Variants in ZDHHC11 observed in about 807,000 individuals in gnomAD.
ZDHHC11 encodes zDHHC palmitoyltransferase 11, also known as palmitoyltransferase ZDHHC11.
In ZDHHC11, 44 loss-of-function variants were observed where a neutral mutation model predicts 51.3. The observed-to-expected ratio is 0.86, with a 90% confidence interval of 0.67 to 1.10. ZDHHC11 has a LOEUF of 1.10. ZDHHC11 is among the 50% of genes least tolerant of loss of function. ZDHHC11 has a pLI of 0.00. For synonymous variants in ZDHHC11, 163 were observed against 222.0 expected, an observed-to-expected ratio of 0.73 and a Z score of 2.36; for missense variants, 400 against 537.7, an observed-to-expected ratio of 0.74 and a Z score of 2.53.
rs1243297442 is a variant in ZDHHC11, at chr5:841,193, C to A, written c.629-543G>T. ...CTAAGTGCCGGGGTCACAGCACCCACCCCTTCCTAAGTGCTGGGGTCACAG... is the reference window on the plus strand; with the variant it reads ...CTAAGTGCCGGGGTCACAGCACCCAACCCTTCCTAAGTGCTGGGGTCACAG... On this transcript the variant is annotated intron_variant, in intron 4 of 12. Transcript: ENST00000283441. The A allele has an allele frequency of 9.5e-5, 100 of 1,050,298 alleles. 1 individual carries two copies. Among genetic ancestry groups the A allele is most frequent in the Non-Finnish European group, 1.1e-4 (99 of 868,834 alleles). The allele number at this position is 1,050,298 out of a possible 1,614,324, so 65.1% of individuals were successfully genotyped here. A position where few individuals can be genotyped will look rare whatever the true frequency, so the allele number is the denominator to read the frequency against.
chr5:797,445 A>G (rs1348910169), intron 12 of ZDHHC11, among the ~76,000 whole-genome samples: 1 of 151,634 alleles, frequency 6.6e-6, no homozygotes, highest in African/African-American at 2.4e-5. Flanking sequence ...CATAGCCTTC[A>G]AACTGTATTC....
chr5:849,887 G>A (rs1393428262), intron 1 of ZDHHC11: 2 of 158,966 alleles, frequency 1.3e-5, no homozygotes, highest in Non-Finnish European at 2.8e-5. Flanking sequence ...ACCCTGCCTG[G>A]CCCCTGGACC....
intron 6 of ZDHHC11, among the ~76,000 whole-genome samples, chr5:835,413 T>C (rs1743686649): frequency 6.6e-6 from 1 of 151,824 alleles, no homozygotes; most frequent in Non-Finnish European, 1.5e-5. Context: ...TCTATATCTG[T>C]CTCTGTCGGT....
intron 11 of ZDHHC11, among the ~76,000 whole-genome samples, chr5:804,556 G>A (rs1385984649): frequency 2.0e-5 from 3 of 151,314 alleles, no homozygotes; most frequent in Admixed American, 6.6e-5. Flanking sequence ...ACACATTACA[G>A]TTAGATTGTT....
At chr5:808,432 G>T (rs1020520234) in intron 11 of ZDHHC11, among the ~76,000 whole-genome samples, 2 of 148,072 alleles carry the variant, frequency 1.4e-5, no homozygotes, top group African/African-American at 2.5e-5. Context: ...ATCCTGTGCT[G>T]TGTCATCAGT....
rs1029225526 is a variant in ZDHHC11, at chr5:850,899, A to T, written c.-297T>A. ...GTGTGGAGGACCCAGTGCCCGCGCG[A>T]CCGCCCATCAGTTCCCCTGAGGATT... On this transcript the variant is annotated 5_prime_UTR_variant, in exon 1 of 13. Transcript: ENST00000283441. The T allele has an allele frequency of 1.4e-5, 6 of 442,728 alleles. No homozygotes were observed. The highest frequency in any genetic ancestry group is 2.3e-5 in the Non-Finnish European group (6 of 262,894). 27.4% of individuals were successfully genotyped at this position (442,728 alleles called of 1,614,324 possible). A position where few individuals can be genotyped will look rare whatever the true frequency, so the allele number is the denominator to read the frequency against.
chr5:852,796 C>T (rs1276873629), upstream of ZDHHC11, among the ~76,000 whole-genome samples: 1 of 144,722 alleles, frequency 6.9e-6, no homozygotes, highest in Non-Finnish European at 1.5e-5. Context: ...CCACGGAGGA[C>T]AGCAAGCAGC....
chr5:838,998 GT>G (rs1227825484), intron 5 of ZDHHC11, among the ~76,000 whole-genome samples: 5 of 138,586 alleles, frequency 3.6e-5, no homozygotes, highest in Non-Finnish European at 7.8e-5. Flanking sequence ...ATGAGACCAT[GT>G]GGCCTCGGCC....
chr5:847,974 C>T (rs1447107127), intron 2 of ZDHHC11, among the ~76,000 whole-genome samples: 2 of 151,964 alleles, frequency 1.3e-5, no homozygotes, highest in African/African-American at 2.4e-5. Flanking sequence ...TTGGATCCCA[C>T]CTGTGCCTAC....
At chr5:835,906 G>A (rs958469052) in intron 6 of ZDHHC11, among the ~76,000 whole-genome samples, 11 of 151,098 alleles carry the variant, frequency 7.3e-5, no homozygotes, top group Non-Finnish European at 1.0e-4. Flanking sequence ...AGAGATGTGC[G>A]AGCGTGTATT....
At chr5:833,232 T>A (rs1249888870) in intron 7 of ZDHHC11, among the ~76,000 whole-genome samples, 1 of 152,272 alleles carries the variant, frequency 6.6e-6, no homozygotes, top group Admixed American at 6.5e-5. Context: ...GCCCTTTGAC[T>A]CTCAGCTTCC....
chr5:821,852 C>T lies in ZDHHC11; in HGVS notation c.1058+9G>A. The T allele has an allele frequency of 6.2e-7, 1 of 1,602,384 alleles. No homozygotes were observed. Among genetic ancestry groups the T allele is most frequent in the Admixed American group, 1.7e-5 (1 of 59,274 alleles). The stretch of plus-strand genomic sequence containing the variant: ...AGATAAAATAATCCCATTAAACTTA[C>T]AAACTCACCCAAGTGCAGATGGACA... On this transcript the variant is annotated intron_variant, in intron 9 of 12. Coordinates refer to ENST00000283441, the MANE Select transcript of ZDHHC11 (RefSeq NM_024786.3).
upstream of ZDHHC11, among the ~76,000 whole-genome samples, chr5:859,622 C>G (rs1748685477): frequency 6.6e-6 from 1 of 152,212 alleles, no homozygotes; most frequent in Non-Finnish European, 1.5e-5. Context: ...TTTTCGTAGT[C>G]TCGCGAGTGC....
Position 819,810 on chromosome 5 carries a change from G to A in ZDHHC11, c.1059-198C>T, listed in dbSNP as rs369188970. On this transcript the variant is annotated intron_variant, in intron 9 of 12. Transcript: ENST00000283441. The stretch of plus-strand genomic sequence containing the variant: ...CAGTGGGAAACAGAAGGAGCTTCTC[G>A]TGTAAAGGACCAGGACTCCTTCCCA... Among the ~76,000 whole-genome samples, 273 of 151,242 alleles carry A rather than the reference G, an allele frequency of 1.8e-3. 3 individuals carry two copies. Among genetic ancestry groups the A allele is most frequent in the African/African-American group, 6.2e-3 (258 of 41,302 alleles).
At chr5:804,189 C>T (rs369459502) in intron 11 of ZDHHC11, among the ~76,000 whole-genome samples, 2 of 151,286 alleles carry the variant, frequency 1.3e-5, no homozygotes, top group African/African-American at 4.9e-5. Context: ...AAACAATTCA[C>T]AAGTTTTAAA....
intron 7 of ZDHHC11, among the ~76,000 whole-genome samples, chr5:828,680 C>A (rs111673081): frequency 0.15 from 21,991 of 149,974 alleles, 1,073 homozygotes; most frequent in African/African-American, 0.24. Flanking sequence ...AACACTCTAC[C>A]CAACAACTGC....
intron 1 of ZDHHC11, 45 bp downstream of exon 1, chr5:850,336 C>G: frequency 1.9e-6 from 3 of 1,591,402 alleles, no homozygotes; most frequent in Non-Finnish European, 2.6e-6. Context: ...GCAAGTTCCT[C>G]CAGGAACCCC....
In ZDHHC11 at chr5:808,004, G is replaced by A. The variant is rs1417418254; in HGVS notation, c.1181+6757C>T. 5.6e-4 allele frequency among the ~76,000 whole-genome samples: 84 copies of A among 150,982 alleles called. No individual in the cohort carries two copies. The South Asian group carries it at 0.017, about 31-fold the overall frequency. On this transcript the variant is annotated intron_variant, in intron 11 of 12. Transcript: ENST00000283441. ...CCACAGGCGGGGTCTGGGGGTGCAG[G>A]CCAGTCCCCATCAGACTCTCAGTGA...
intron 11 of ZDHHC11, among the ~76,000 whole-genome samples, chr5:803,486 T>C (rs1171058435): frequency 6.6e-6 from 1 of 151,396 alleles, no homozygotes; most frequent in African/African-American, 2.4e-5. Flanking sequence ...GGTTCCAGCC[T>C]TTAACAAGAG....
Sources: allele counts gnomAD v4.1 joint callset (sites outside exome capture counted in the v4.1 genomes callset), GRCh38; gene constraint gnomAD v4.1.1; transcripts MANE v1.5; gene names NCBI Gene and HGNC (gene_info 2026-07-23, HGNC 2026-07-21).